The following GALM variants were observed in gnomAD, a reference collection of about 807,000 sequenced individuals.
The protein encoded by GALM is aldose 1-epimerase.
A neutral mutation model predicts 37.4 loss-of-function variants in GALM; 43 were observed. The observed-to-expected ratio is 1.15, with a 90% CI of 0.90 to 1.48. The LOEUF (loss-of-function observed/expected upper bound fraction) is 1.48, where lower values mean the gene tolerates loss of function less well. Ranked by LOEUF, GALM falls within the 40% of genes most tolerant of loss-of-function variation. The probability of loss-of-function intolerance (pLI) is 0.00; values close to 1 mark genes in which losing one functional copy is unlikely to be tolerated. For missense variants in GALM, 456 were observed against 419.1 expected (o/e 1.09, Z -0.77); for synonymous variants, 199 against 170.6 (o/e 1.17, Z -1.30).
Position 38,731,973 on chromosome 2 carries a change from T to G in GALM, c.951+64T>G. On this transcript the variant is annotated intron_variant, in intron 6 of 6. Transcript: ENST00000272252. ...CCAAGGTCACACTGTACGACAGAGT[T>G]CACTACACTCGAATCAGCTTGTATG... 4 of 1,275,748 alleles carry G rather than the reference T, an allele frequency of 3.1e-6. No individual in the cohort carries two copies. The South Asian group carries it at 3.8e-5, about 12-fold the overall frequency. The allele number at this position is 1,275,748 out of a possible 1,614,324, so 79.0% of individuals were successfully genotyped here. A position where few individuals can be genotyped will look rare whatever the true frequency, so the allele number is the denominator to read the frequency against.
Position 38,734,383 on chromosome 2 carries a change from CAAAAAAAAA to C in GALM, c.*830_*838del, listed in dbSNP as rs70954749. 1 of 81,250 alleles carries C rather than the reference CAAAAAAAAA, an allele frequency of 1.2e-5. No homozygotes were observed. The highest frequency in any genetic ancestry group is 2.1e-5 in the Non-Finnish European group (1 of 46,534). The allele number at this position is 81,250 out of a possible 1,614,324, so 5.0% of individuals were successfully genotyped here. A position where few individuals can be genotyped will look rare whatever the true frequency, so the allele number is the denominator to read the frequency against. ...TGGGCAACAGAGCAAAACTCGATCT[CAAAAAAAAA>C]AAAAAAAAAAAGGAAAAAAAAGCAG... On this transcript the variant is annotated 3_prime_UTR_variant, in exon 7 of 7. Coordinates refer to ENST00000272252, the MANE Select transcript of GALM (RefSeq NM_138801.3).
intron 4 of GALM, among the ~76,000 whole-genome samples, chr2:38,702,114 T>G (rs994360598): frequency 2.6e-5 from 4 of 152,102 alleles, no homozygotes; most frequent in African/African-American, 9.7e-5. Flanking sequence ...TGGCTTATAT[T>G]ATGGGCTTCA....
At chr2:38,667,762 GGGAGGCGGAAGTTGCAGTGA>G (rs1664986847) in intron 1 of GALM, among the ~76,000 whole-genome samples, 1 of 148,388 alleles carries the variant, frequency 6.7e-6, no homozygotes, top group Non-Finnish European at 1.5e-5. Context: ...ACTTGAATCT[GGGAGGCGGAAGTTGCAGTGA>G]GCCGAGATTG....
chr2:38,674,885 A>C (rs1164476340), intron 1 of GALM, among the ~76,000 whole-genome samples: 1 of 152,138 alleles, frequency 6.6e-6, no homozygotes, highest in Admixed American at 6.6e-5. Flanking sequence ...GTTTTGAAAG[A>C]GAGAAAAGCC....
chr2:38,695,163 T>A (rs1038552010), intron 4 of GALM, among the ~76,000 whole-genome samples: 5 of 151,994 alleles, frequency 3.3e-5, no homozygotes, highest in Admixed American at 3.3e-4. Flanking sequence ...TGTCTCATGC[T>A]TGTAATCCCA....
chr2:38,712,809 T>C (rs1666197196), intron 4 of GALM, among the ~76,000 whole-genome samples: 1 of 152,302 alleles, frequency 6.6e-6, no homozygotes, highest in Middle Eastern at 3.4e-3. Flanking sequence ...ATTTAGGTTG[T>C]ATGTTTATTT....
At chr2:38,722,040 A>ACC (rs1178141610) in intron 4 of GALM, among the ~76,000 whole-genome samples, 8 of 53,446 alleles carry the variant, frequency 1.5e-4, no homozygotes, top group Non-Finnish European at 2.5e-4. Context: ...TCCCCCCCCC[A>ACC]CCCCCCCCCC....
chr2:38,692,200 C>T (rs1665695231), intron 4 of GALM, among the ~76,000 whole-genome samples: 2 of 152,162 alleles, frequency 1.3e-5, no homozygotes, highest in Non-Finnish European at 2.9e-5. Flanking sequence ...ACATGTTATA[C>T]CTGTTTGCCG....
At chr2:38,726,447 C>A (rs1483043327) in intron 4 of GALM, among the ~76,000 whole-genome samples, 1 of 151,274 alleles carries the variant, frequency 6.6e-6, no homozygotes, top group Non-Finnish European at 1.5e-5. Context: ...GGGATGGTCT[C>A]GATCTCCTGA....
At position 38,675,518 on chromosome 2, in the gene GALM, GTTTTTTTGTTTTTTTTTTT is replaced by G. The variant is rs1276384934; in HGVS notation, c.191-384_191-366del. Among the ~76,000 whole-genome samples, 47 of 104,980 alleles carry G rather than the reference GTTTTTTTGTTTTTTTTTTT, an allele frequency of 4.5e-4. No individual in the cohort carries two copies. The East Asian group carries it at 0.01, about 23-fold the overall frequency. The allele number at this position is 104,980 out of a possible 152,430, so 68.9% of individuals were successfully genotyped here. ...CATGCAACACACCTTTGGATTGAGG[GTTTTTTTGTTTTTTTTTTT>G]TTTTTTTGTGTGTGTGTGTGTGTGT... is the stretch of plus-strand genomic sequence containing the variant. On this transcript the variant is annotated intron_variant, in intron 1 of 6. Transcript: ENST00000272252.
chr2:38,692,812 G>T (rs1665707610), intron 4 of GALM, among the ~76,000 whole-genome samples: 1 of 152,302 alleles, frequency 6.6e-6, no homozygotes, highest in South Asian at 2.1e-4. Flanking sequence ...ACCTGGAAGG[G>T]AAAGTGGAAG....
intron 1 of GALM, among the ~76,000 whole-genome samples, chr2:38,674,966 G>A (rs144059425): frequency 0.028 from 4,301 of 152,240 alleles, 218 homozygotes; most frequent in African/African-American, 0.098. Context: ...CCTGAGGTCA[G>A]GAGTTCGAGA....
intron 3 of GALM, among the ~76,000 whole-genome samples, chr2:38,685,802 C>T (rs1665502832): frequency 6.6e-6 from 1 of 152,082 alleles, no homozygotes; most frequent in African/African-American, 2.4e-5. Context: ...ACGGCAATCT[C>T]CGCCTCCCAA....
chr2:38,686,897 T>C (rs768878890), intron 3 of GALM, among the ~76,000 whole-genome samples: 1 of 152,196 alleles, frequency 6.6e-6, no homozygotes, highest in South Asian at 2.1e-4. Flanking sequence ...ATTACATAGC[T>C]TGTGTTCCTC....
At chr2:38,666,456 C>A in intron 1 of GALM, 105 bp downstream of exon 1, 1 of 889,752 alleles carries the variant, frequency 1.1e-6, no homozygotes, top group Non-Finnish European at 1.7e-6. Context: ...GGGGGAAAGT[C>A]GCCTAGCTTG....
At chr2:38,688,978 A>G (rs1000454165) in intron 3 of GALM, among the ~76,000 whole-genome samples, 2 of 152,200 alleles carry the variant, frequency 1.3e-5, no homozygotes, top group East Asian at 1.9e-4. Flanking sequence ...GTGCCACCAC[A>G]CCTGGCTAAT....
At chr2:38,726,834 TGTG>T (rs1411849470) in intron 4 of GALM, among the ~76,000 whole-genome samples, 1 of 151,458 alleles carries the variant, frequency 6.6e-6, no homozygotes, top group Admixed American at 6.6e-5. Flanking sequence ...AGGCCAAGGT[TGTG>T]GTGAGCCGAG....
In GALM at chr2:38,666,319, C is replaced by G; in HGVS notation, c.158C>G (p.Ser53Trp). 1 of 1,613,262 alleles carries G rather than the reference C, an allele frequency of 6.2e-7. No homozygotes were observed. Among genetic ancestry groups the G allele is most frequent in the Non-Finnish European group, 8.5e-7 (1 of 1,179,562 alleles). The part of the protein sequence containing the change: ...LEVKDRQGRA[S>W]DVVLGFAELE... Reference sequence around the variant, plus strand: ...GTCAAAGACAGGCAGGGGAGAGCCTCGGACGTGGTGCTTGGCTTCGCCGAG... The same window carrying G: ...GTCAAAGACAGGCAGGGGAGAGCCTGGGACGTGGTGCTTGGCTTCGCCGAG... The change falls in exon 1 of 7, where the codon TCG becomes TGG. Residue 53 changes from serine (S) to tryptophan (W), a missense_variant. Physicochemically the swap from Ser to Trp is radical, Grantham distance 177. Transcript: ENST00000272252.
At chr2:38,727,569 A>G (rs1553385402) in intron 4 of GALM, among the ~76,000 whole-genome samples, 1 of 151,980 alleles carries the variant, frequency 6.6e-6, no homozygotes, top group Non-Finnish European at 1.5e-5. Flanking sequence ...TCTACTAAAA[A>G]TACAAAAATT....
Sources: gnomAD v4.1 joint callset for allele counts (sites outside exome capture counted in the v4.1 genomes callset) on GRCh38, gnomAD v4.1.1 for gene constraint, MANE v1.5 for transcripts, NCBI Gene and HGNC (gene_info 2026-07-23, HGNC 2026-07-21) for gene names.